Variants in SLC29A4 observed in about 807,000 individuals in gnomAD.
The protein encoded by SLC29A4 is solute carrier family 29 member 4.
SLC29A4 carries 36 observed loss-of-function variants against 43.9 expected under a neutral mutation model. The observed-to-expected ratio is 0.82, with a 90% CI of 0.63 to 1.08. The LOEUF (loss-of-function observed/expected upper bound fraction) is 1.08, where lower values mean the gene tolerates loss of function less well. SLC29A4 is among the 50% of genes least tolerant of loss of function. The pLI is 0.00. For synonymous variants in SLC29A4, 491 were observed against 338.0 expected (o/e 1.45, Z -4.97); for missense variants, 869 against 755.3 (o/e 1.15, Z -1.77).
In SLC29A4 at chr7:5,289,900, T is replaced by A. The variant is rs1288662762; in HGVS notation, c.170-832T>A. 2.0e-5 allele frequency among the ~76,000 whole-genome samples: 3 copies of A among 152,108 alleles called. No homozygotes were observed. In the East Asian group the frequency reaches 5.8e-4, roughly 29 times the overall value. ...ATATCCTATAATTTTATTTTTTATT[T>A]TTTTGAAAACAGTCTCGTGCTCTTG... On this transcript the variant is annotated intron_variant, in intron 2 of 10. Transcript: ENST00000396872.
chr7:5,294,053 C>T (rs568936252), intron 5 of SLC29A4, among the ~76,000 whole-genome samples: 169 of 152,082 alleles, frequency 1.1e-3, no homozygotes, highest in Non-Finnish European at 2.1e-3. Context: ...TTGCAGTGAG[C>T]CGAGATCGCA....
intron 7 of SLC29A4, 64 bp downstream of exon 7, chr7:5,297,262 C>T (rs1265407850): frequency 1.4e-6 from 2 of 1,446,054 alleles, no homozygotes; most frequent in African/African-American, 1.4e-5. Context: ...ACCGCTTCGT[C>T]GGGAAGTACC....
intron 10 of SLC29A4, among the ~76,000 whole-genome samples, chr7:5,301,838 A>T (rs1786188316): frequency 6.6e-6 from 1 of 152,092 alleles, no homozygotes; most frequent in South Asian, 2.1e-4. Flanking sequence ...CTGAGATGGG[A>T]AGAGGCCTCG....
At chr7:5,299,934 C>T (rs1046235818) in intron 9 of SLC29A4, among the ~76,000 whole-genome samples, 4 of 152,206 alleles carry the variant, frequency 2.6e-5, no homozygotes, top group South Asian at 2.1e-4. Context: ...TGCCTATAAT[C>T]GCAGCTACTT....
chr7:5,303,183 T>C lies in SLC29A4; in HGVS notation c.*244T>C. 3.4e-6 allele frequency: 2 copies of C among 580,546 alleles called. No individual in the cohort carries two copies. The highest frequency in any genetic ancestry group is 6.1e-6 in the Non-Finnish European group (2 of 328,474). The allele number at this position is 580,546 out of a possible 1,614,324, so 36.0% of individuals were successfully genotyped here. On this transcript the variant is annotated 3_prime_UTR_variant, in exon 11 of 11. Transcript: ENST00000396872. ...CCAGCACTGTGTTCTGCGTTTGGTC[T>C]CATACCTGCGTCTACCTTCCATCTG...
At chr7:5,301,736 C>G (rs1786180327) in intron 10 of SLC29A4, among the ~76,000 whole-genome samples, 2 of 152,128 alleles carry the variant, frequency 1.3e-5, no homozygotes, top group East Asian at 3.9e-4. Context: ...ACAGGACCGG[C>G]TGATGGGTTG....
intron 9 of SLC29A4, 141 bp from the exon 10 acceptor site, chr7:5,300,281 C>A: frequency 7.8e-7 from 1 of 1,288,640 alleles, no homozygotes; most frequent in Non-Finnish European, 1.1e-6. Context: ...GAGGGGTGAT[C>A]CGGAGAAGGG....
intron 5 of SLC29A4, among the ~76,000 whole-genome samples, chr7:5,293,489 C>T (rs1253105420): frequency 6.6e-6 from 1 of 152,160 alleles, no homozygotes; most frequent in Non-Finnish European, 1.5e-5. Flanking sequence ...GACTTTCAAA[C>T]TCTTTTTGAC....
Position 5,299,091 on chromosome 7 carries a change from G to A in SLC29A4, c.986G>A (p.Arg329Gln), listed in dbSNP as rs774145930. The A allele has an allele frequency of 2.4e-5, 38 of 1,610,526 alleles. No individual in the cohort carries two copies. The highest frequency in any genetic ancestry group is 8.9e-5 in the East Asian group (4 of 44,810). Reference sequence around the variant, plus strand: ...GCCTACATGCGCTTTGATGTGCCGCGGCCAAGGGTCCAGCGCAGCTGGCCC... The same window carrying A: ...GCCTACATGCGCTTTGATGTGCCGCAGCCAAGGGTCCAGCGCAGCTGGCCC... ...GGAYMRFDVP[R>Q]PRVQRSWPTF... The change falls in exon 8 of 11, where the codon CGG (arginine) becomes CAG (glutamine). Residue 329 changes from arginine to glutamine, a missense_variant. Transcript: ENST00000396872.
chr7:5,300,706 C>T (rs369914924), intron 10 of SLC29A4, 44 bp downstream of exon 10: 46 of 1,587,844 alleles, frequency 2.9e-5, no homozygotes, highest in African/African-American at 4.0e-5. Flanking sequence ...CTCCCAGCAG[C>T]GCAATGCCCC....
intron 9 of SLC29A4, among the ~76,000 whole-genome samples, chr7:5,299,798 C>T (rs62441141): frequency 1.3e-5 from 2 of 152,196 alleles, no homozygotes; most frequent in East Asian, 1.9e-4. Flanking sequence ...TGCCTGTAAT[C>T]CTAGCACTTC....
chr7:5,300,707 G>C, intron 10 of SLC29A4, 45 bp downstream of exon 10: 1 of 1,587,584 alleles, frequency 6.3e-7, no homozygotes. Flanking sequence ...TCCCAGCAGC[G>C]CAATGCCCCC....
At chr7:5,298,897 G>T in intron 7 of SLC29A4, 91 bp from the exon 8 acceptor site, 1 of 1,438,352 alleles carries the variant, frequency 7.0e-7, no homozygotes, top group Non-Finnish European at 9.4e-7. Context: ...GCCAGCCCCA[G>T]TGCGGCTCTT....
intron 4 of SLC29A4, 56 bp downstream of exon 4, chr7:5,291,293 C>G (rs899482646): frequency 3.4e-6 from 5 of 1,491,832 alleles, no homozygotes; most frequent in Non-Finnish European, 4.6e-6. Context: ...CCTGCCTGGC[C>G]GGTCACCCAC....
chr7:5,295,659 C>T (rs1055266615), intron 6 of SLC29A4, among the ~76,000 whole-genome samples: 7 of 152,192 alleles, frequency 4.6e-5, no homozygotes, highest in Non-Finnish European at 8.8e-5. Flanking sequence ...AGGCAGGAAG[C>T]GGAAGCCCAG....
chr7:5,300,667 G>C lies in SLC29A4; in HGVS notation c.1450+5G>C, dbSNP rs777657758. 1.2e-6 allele frequency: 2 copies of C among 1,605,982 alleles called. No homozygotes were observed. Among genetic ancestry groups the C allele is most frequent in the South Asian group, 2.2e-5 (2 of 90,782 alleles). ...CCAAGCAGCGGGAGCTGGCAGGTGAGGCCCGCGGGACGTGGGGGTGGGGGC... is the reference window on the plus strand; with the variant it reads ...CCAAGCAGCGGGAGCTGGCAGGTGACGCCCGCGGGACGTGGGGGTGGGGGC... On this transcript the variant is annotated splice_donor_5th_base_variant and intron_variant, in intron 10 of 10. Coordinates refer to ENST00000396872, the MANE Select transcript of SLC29A4 (RefSeq NM_153247.4).
At position 5,287,936 on chromosome 7, in the gene SLC29A4, T is replaced by TCAGGGC. The variant is rs1554261672; in HGVS notation, c.128_133dup (p.Gln43_Gly44dup). Reference sequence around the variant, plus strand: ...AGCTGGAGGAGGCGGCGGAGGCGGCTCAGGGCCAGGGCCTTAGGGCCAGGG... The same window carrying TCAGGGC: ...AGCTGGAGGAGGCGGCGGAGGCGGCTCAGGGCCAGGGCCAGGGCCTTAGGGCCAGGG... On this transcript the variant is annotated inframe_insertion, in exon 2 of 11. Coordinates refer to ENST00000396872, the MANE Select transcript of SLC29A4 (RefSeq NM_153247.4). 3 of 1,611,344 alleles carry TCAGGGC rather than the reference T, an allele frequency of 1.9e-6. No homozygotes were observed. The highest frequency in any genetic ancestry group is 1.3e-5 in the African/African-American group (1 of 74,878).
In SLC29A4 at chr7:5,305,046, C is replaced by T. The variant is rs1786412311; in HGVS notation, c.*2107C>T. ...GCCCAGACTGGTCTCAAAGTCTGGGCCTCAAGTGTTCCCCCTGCCTTGGCC... is the reference window on the plus strand; with the variant it reads ...GCCCAGACTGGTCTCAAAGTCTGGGTCTCAAGTGTTCCCCCTGCCTTGGCC... On this transcript the variant is annotated 3_prime_UTR_variant, in exon 11 of 11. Transcript: ENST00000396872. The T allele has an allele frequency of 6.6e-6, 1 of 152,164 alleles. No individual in the cohort carries two copies. Among genetic ancestry groups the T allele is most frequent in the Non-Finnish European group, 1.5e-5 (1 of 68,050 alleles). The allele number at this position is 152,164 out of a possible 1,614,324, so 9.4% of individuals were successfully genotyped here. A position where few individuals can be genotyped will look rare whatever the true frequency, so the allele number is the denominator to read the frequency against.
rs993191046 is a variant in SLC29A4 at position 5,304,317 on chromosome 7, C to T, written c.*1378C>T. On this transcript the variant is annotated 3_prime_UTR_variant, in exon 11 of 11. Transcript: ENST00000396872. ...TGACCGCCCGCCCCCCCCACCCCTT[C>T]GTGAGGATCAGGGAGGATGGCCACA... is the stretch of plus-strand genomic sequence containing the variant. 2.2e-5 allele frequency: 3 copies of T among 138,490 alleles called. No individual in the cohort carries two copies. Among genetic ancestry groups the T allele is most frequent in the Admixed American group, 7.4e-5 (1 of 13,512 alleles). 8.6% of individuals were successfully genotyped at this position (138,490 alleles called of 1,614,324 possible).
Sources: allele counts gnomAD v4.1 joint callset (sites outside exome capture counted in the v4.1 genomes callset), GRCh38; gene constraint gnomAD v4.1.1; transcripts MANE v1.5; gene names NCBI Gene and HGNC (gene_info 2026-07-23, HGNC 2026-07-21).